The following MRPL1 variants were observed in gnomAD, a reference collection of about 807,000 sequenced individuals.
MRPL1 encodes large ribosomal subunit protein uL1m.
MRPL1 carries 28 observed loss-of-function variants against 38.0 expected under a neutral mutation model. The ratio of observed to expected loss-of-function variants is 0.74; its 90% CI spans 0.55 to 1.01. MRPL1 has a LOEUF of 1.01. Ranked by LOEUF, MRPL1 falls within the 50% of genes least tolerant of loss-of-function variation. The probability of loss-of-function intolerance (pLI) is 0.00; values close to 1 mark genes in which losing one functional copy is unlikely to be tolerated. For missense variants in MRPL1, 358 were observed against 389.8 expected (o/e 0.92, Z 0.69); for synonymous variants, 123 against 126.7 (o/e 0.97, Z 0.20).
intron 1 of MRPL1, among the ~76,000 whole-genome samples, chr4:77,867,917 T>C (rs1294606144): frequency 6.7e-6 from 1 of 149,124 alleles, no homozygotes; most frequent in Non-Finnish European, 1.5e-5. Flanking sequence ...CCACCATGCC[T>C]GGCTAATTTT....
chr4:77,907,333 A>G (rs1736179100), intron 6 of MRPL1: 2 of 279,362 alleles, frequency 7.2e-6, no homozygotes, highest in African/African-American at 2.3e-5. Context: ...TCCTTTGAAG[A>G]TTCTTAATTT....
At chr4:77,885,141 C>G in intron 3 of MRPL1, 115 bp from the exon 4 acceptor site, 1 of 702,616 alleles carries the variant, frequency 1.4e-6, no homozygotes, top group South Asian at 1.8e-5. Context: ...AATGGAAGAA[C>G]ATAGAGTAGA....
In MRPL1 at chr4:77,952,645, A is replaced by C. The variant is rs774817269; in HGVS notation, c.*38A>C. On this transcript the variant is annotated 3_prime_UTR_variant, in exon 9 of 9. Coordinates refer to ENST00000315567, the MANE Select transcript of MRPL1 (RefSeq NM_020236.4). ...GTGAAATTACTTTCAGTGGTTTAAG[A>C]AGCAATGGAGAAAATGATAATACAG... The C allele has an allele frequency of 6.1e-6, 8 of 1,312,346 alleles. No homozygotes were observed. The African/African-American group carries it at 1.2e-4, about 19-fold the overall frequency. The allele number at this position is 1,312,346 out of a possible 1,614,324, so 81.3% of individuals were successfully genotyped here. A position where few individuals can be genotyped will look rare whatever the true frequency, so the allele number is the denominator to read the frequency against.
chr4:77,940,981 T>A, intron 7 of MRPL1, among the ~76,000 whole-genome samples: 1 of 152,222 alleles, frequency 6.6e-6, no homozygotes. Context: ...ATAGGCTGGG[T>A]GCAGTGGCTC....
intron 2 of MRPL1, among the ~76,000 whole-genome samples, chr4:77,874,821 G>T (rs538799710): frequency 7.3e-6 from 1 of 137,232 alleles, no homozygotes; most frequent in African/African-American, 2.7e-5. Flanking sequence ...TGCTCTTGTC[G>T]CCCAGGCTGG....
chr4:77,937,881 C>T (rs1002428641), intron 7 of MRPL1, among the ~76,000 whole-genome samples: 5 of 152,028 alleles, frequency 3.3e-5, no homozygotes, highest in African/African-American at 1.2e-4. Context: ...CATTTCTTAG[C>T]CAGACAACTG....
At chr4:77,914,219 A>G (rs1365669886) in intron 7 of MRPL1, among the ~76,000 whole-genome samples, 1 of 152,166 alleles carries the variant, frequency 6.6e-6, no homozygotes, top group Non-Finnish European at 1.5e-5. Context: ...AGACACAGAA[A>G]CTACTTGCTG....
chr4:77,906,421 A>G (rs559939558), intron 6 of MRPL1, among the ~76,000 whole-genome samples: 2 of 152,262 alleles, frequency 1.3e-5, no homozygotes, highest in Admixed American at 6.5e-5. Flanking sequence ...GGAAGGCAAC[A>G]TAGGAGACTT....
At chr4:77,948,836 T>A (rs1737338471) in intron 7 of MRPL1, among the ~76,000 whole-genome samples, 2 of 150,504 alleles carry the variant, frequency 1.3e-5, no homozygotes, top group Admixed American at 6.7e-5. Flanking sequence ...AGTGGCACAA[T>A]CTCAGCTCAC....
chr4:77,943,596 ATTGAG>A (rs913049052), intron 7 of MRPL1, among the ~76,000 whole-genome samples: 1 of 151,830 alleles, frequency 6.6e-6, no homozygotes, highest in Non-Finnish European at 1.5e-5. Flanking sequence ...TTCTCTGTAG[ATTGAG>A]TTAATTCAAA....
chr4:77,946,594 CTA>C (rs1737275962), intron 7 of MRPL1, among the ~76,000 whole-genome samples: 1 of 152,142 alleles, frequency 6.6e-6, no homozygotes. Context: ...AATTATAAAA[CTA>C]TTAATTTTGG....
At chr4:77,871,884 A>T in intron 2 of MRPL1, 29 bp downstream of exon 2, 1 of 1,372,922 alleles carries the variant, frequency 7.3e-7, no homozygotes, top group Non-Finnish European at 1.0e-6. Context: ...TTATTATTTC[A>T]TTTGTTGTCA....
At chr4:77,893,086 G>A (rs1038354420) in intron 5 of MRPL1, among the ~76,000 whole-genome samples, 8 of 152,090 alleles carry the variant, frequency 5.3e-5, no homozygotes, top group Non-Finnish European at 8.8e-5. Context: ...TTAATTCACC[G>A]TGTACCCCTA....
At chr4:77,949,101 C>G (rs1220436312) in intron 7 of MRPL1, among the ~76,000 whole-genome samples, 1 of 152,146 alleles carries the variant, frequency 6.6e-6, no homozygotes, top group Non-Finnish European at 1.5e-5. Context: ...TTATTTGGCA[C>G]AGTGCAAAAT....
intron 2 of MRPL1, among the ~76,000 whole-genome samples, chr4:77,882,830 T>G (rs1404506050): frequency 6.6e-6 from 1 of 152,238 alleles, no homozygotes. Context: ...TTTCACTTCT[T>G]TGGGGTGCTA....
rs562469555 is a variant in MRPL1, at chr4:77,923,092, A to G, written c.777+13720A>G. 9.9e-5 allele frequency among the ~76,000 whole-genome samples: 15 copies of G among 152,130 alleles called. No homozygotes were observed. The South Asian group carries it at 3.1e-3, about 32-fold the overall frequency. On this transcript the variant is annotated intron_variant, in intron 7 of 8. Coordinates refer to ENST00000315567, the MANE Select transcript of MRPL1 (RefSeq NM_020236.4). ...TAGCAGAGGAGCTGATATTTTTGTT[A>G]TTTATCTATTTATTTATTTTTGAGA...
intron 5 of MRPL1, among the ~76,000 whole-genome samples, chr4:77,892,389 C>T (rs1444898630): frequency 6.6e-6 from 1 of 152,118 alleles, no homozygotes; most frequent in Non-Finnish European, 1.5e-5. Flanking sequence ...CTTCCTCGGC[C>T]TCCCAAAGTG....
intron 7 of MRPL1, among the ~76,000 whole-genome samples, chr4:77,934,939 T>C (rs1274624551): frequency 6.6e-6 from 1 of 152,168 alleles, no homozygotes; most frequent in Non-Finnish European, 1.5e-5. Flanking sequence ...AGGACAAATA[T>C]TGTATCATTC....
chr4:77,864,980 C>T (rs922497351), intron 1 of MRPL1, among the ~76,000 whole-genome samples: 1 of 151,168 alleles, frequency 6.6e-6, no homozygotes, highest in African/African-American at 2.4e-5. Context: ...ACCTCTGCCT[C>T]CCGGGTTCAA....
Sources: gnomAD v4.1 joint callset for allele counts (sites outside exome capture counted in the v4.1 genomes callset) on GRCh38, gnomAD v4.1.1 for gene constraint, MANE v1.5 for transcripts, NCBI Gene and HGNC (gene_info 2026-07-23, HGNC 2026-07-21) for gene names.